The following EDNRB variants were observed in gnomAD, a reference collection of about 807,000 sequenced individuals.
EDNRB encodes endothelin receptor type B.
EDNRB carries 18 observed loss-of-function variants against 46.4 expected under a neutral mutation model. The ratio of observed to expected loss-of-function variants is 0.39; its 90% CI spans 0.27 to 0.57. The LOEUF (loss-of-function observed/expected upper bound fraction) is 0.57. Ranked by LOEUF, EDNRB falls within the 20% of genes least tolerant of loss-of-function variation. The pLI, the probability that EDNRB is intolerant of heterozygous loss-of-function variation, is 0.61. For missense variants in EDNRB, 434 were observed against 537.5 expected, an observed-to-expected ratio of 0.81 and a Z score of 1.90; for synonymous variants, 213 against 204.9, an observed-to-expected ratio of 1.04 and a Z score of -0.34.
chr13:77,966,972 C>T (rs868807620), intron 1 of EDNRB, among the ~76,000 whole-genome samples: 30 of 152,090 alleles, frequency 2.0e-4, no homozygotes, highest in African/African-American at 7.2e-4. Context: ...AACCCATTCA[C>T]TAAAAACCAT....
chr13:77,955,892 T>C (rs886985398), intron 1 of EDNRB, among the ~76,000 whole-genome samples: 1 of 151,490 alleles, frequency 6.6e-6, no homozygotes, highest in African/African-American at 2.4e-5. Context: ...TATCTATCTA[T>C]CTATTTTTAT....
At chr13:77,942,316 T>G (rs1440386277) in intron 1 of EDNRB, among the ~76,000 whole-genome samples, 1 of 152,244 alleles carries the variant, frequency 6.6e-6, no homozygotes, top group African/African-American at 2.4e-5. Context: ...TCTGGTGTTC[T>G]GTATTACCTC....
intron 1 of EDNRB, among the ~76,000 whole-genome samples, chr13:77,931,939 T>C (rs947393160): frequency 6.6e-6 from 1 of 151,946 alleles, no homozygotes; most frequent in Non-Finnish European, 1.5e-5. Context: ...TTAGTTTTTA[T>C]ACAACTGTTT....
intron 1 of EDNRB, among the ~76,000 whole-genome samples, chr13:77,969,412 A>G (rs926637999): frequency 6.6e-6 from 1 of 152,182 alleles, no homozygotes; most frequent in Non-Finnish European, 1.5e-5. Flanking sequence ...TGTTATAACG[A>G]CAGGAGTGTG....
At position 77,898,320 on chromosome 13, in the gene EDNRB, G is replaced by A; in HGVS notation, c.1209C>T (p.Cys403=). 1.2e-6 allele frequency: 2 copies of A among 1,611,966 alleles called. No individual in the cohort carries two copies. Among genetic ancestry groups the A allele is most frequent in the Non-Finnish European group, 1.7e-6 (2 of 1,178,702 alleles). Residue 403 remains cysteine, a synonymous_variant, in exon 7 of 7, where the codon TGC becomes TGT. Transcript: ENST00000646607. The part of the protein sequence containing the change: ...FKNCFKSCLC[C]WCQSFEEKQS... Reference sequence around the variant, plus strand: ...GTTTTTCTTCAAATGACTGGCACCAGCAGCATAAGCATGACTGTACAAAAC... The same window carrying A: ...GTTTTTCTTCAAATGACTGGCACCAACAGCATAAGCATGACTGTACAAAAC...
At chr13:77,910,685 T>A (rs1233435191) in intron 1 of EDNRB, among the ~76,000 whole-genome samples, 4 of 151,990 alleles carry the variant, frequency 2.6e-5, no homozygotes, top group Non-Finnish European at 5.9e-5. Context: ...GGGTCAGAAA[T>A]AATGTTAGCT....
At chr13:77,949,678 C>A (rs539799845) in intron 1 of EDNRB, among the ~76,000 whole-genome samples, 1 of 152,172 alleles carries the variant, frequency 6.6e-6, no homozygotes, top group East Asian at 1.9e-4. Context: ...GTCTTGAAGG[C>A]CAAATATGAA....
intron 1 of EDNRB, among the ~76,000 whole-genome samples, chr13:77,930,622 T>G (rs1880364741): frequency 6.6e-6 from 1 of 152,198 alleles, no homozygotes; most frequent in African/African-American, 2.4e-5. Flanking sequence ...ACATAAACCA[T>G]GCACATTAGT....
Position 77,896,414 on chromosome 13 carries a change from T to G in EDNRB, c.*1786A>C. 1 of 1,538,978 alleles carries G rather than the reference T, an allele frequency of 6.5e-7. No individual in the cohort carries two copies. Among genetic ancestry groups the G allele is most frequent in the Non-Finnish European group, 8.8e-7 (1 of 1,142,808 alleles). On this transcript the variant is annotated 3_prime_UTR_variant, in exon 7 of 7. Transcript: ENST00000646607. ...TTAAAGAACAAGTTTGTGGGTGATT[T>G]ATAAATAGAATCCATATGGTGTGTG... is the stretch of plus-strand genomic sequence containing the variant.
chr13:77,965,543 T>C (rs1461586001), intron 1 of EDNRB, among the ~76,000 whole-genome samples: 1 of 152,200 alleles, frequency 6.6e-6, no homozygotes, highest in Non-Finnish European at 1.5e-5. Context: ...TTCAAAACTC[T>C]GAGATTCTCT....
rs1472850365 is a variant in EDNRB at position 77,911,126 on chromosome 13, A to T, written c.483+6965T>A. ...TACATATTTTGAAAAGATCCAACTAAGGGAAATAACAAACCCCATTCACAA... is the reference window on the plus strand; with the variant it reads ...TACATATTTTGAAAAGATCCAACTATGGGAAATAACAAACCCCATTCACAA... On this transcript the variant is annotated intron_variant, in intron 1 of 6. Coordinates refer to ENST00000646607, the MANE Select transcript of EDNRB (RefSeq NM_001122659.3). Among the ~76,000 whole-genome samples the T allele has an allele frequency of 2.6e-5, 4 of 152,050 alleles. No individual in the cohort carries two copies. In the South Asian group the frequency reaches 8.3e-4, roughly 31 times the overall value.
chr13:77,941,633 G>A (rs1880749352), intron 1 of EDNRB, among the ~76,000 whole-genome samples: 1 of 152,252 alleles, frequency 6.6e-6, no homozygotes, highest in Non-Finnish European at 1.5e-5. Context: ...GGGGGCACAG[G>A]CCATTGGAAA....
intron 1 of EDNRB, among the ~76,000 whole-genome samples, chr13:77,915,656 A>G (rs1391282320): frequency 6.6e-6 from 1 of 152,336 alleles, no homozygotes; most frequent in East Asian, 1.9e-4. Flanking sequence ...GAAATAAACC[A>G]AGTGCCTAGT....
At chr13:77,899,835 T>C in intron 6 of EDNRB, 24 bp downstream of exon 6, 1 of 1,579,094 alleles carries the variant, frequency 6.3e-7, no homozygotes, top group East Asian at 2.2e-5. Flanking sequence ...ACAAAGAGCT[T>C]TTTATTTTGG....
intron 1 of EDNRB, among the ~76,000 whole-genome samples, chr13:77,925,221 A>G (rs990293591): frequency 6.6e-6 from 1 of 152,250 alleles, no homozygotes; most frequent in Non-Finnish European, 1.5e-5. Flanking sequence ...GTAGCATATG[A>G]CAGGCTAAAT....
intron 1 of EDNRB, among the ~76,000 whole-genome samples, chr13:77,965,944 A>G (rs1881566974): frequency 1.3e-5 from 2 of 152,226 alleles, no homozygotes; most frequent in Admixed American, 1.3e-4. Flanking sequence ...TGTTGTGATC[A>G]CAGCTCACTG....
chr13:77,963,760 G>A (rs1339096111), intron 1 of EDNRB, among the ~76,000 whole-genome samples: 2 of 151,880 alleles, frequency 1.3e-5, no homozygotes, highest in African/African-American at 2.4e-5. Context: ...AAAAGCCAAA[G>A]TTGACAAATG....
chr13:77,902,369 T>C (rs937577904), intron 3 of EDNRB, among the ~76,000 whole-genome samples: 1 of 151,910 alleles, frequency 6.6e-6, no homozygotes, highest in African/African-American at 2.4e-5. Flanking sequence ...TGTTCTCCAT[T>C]TTAAAGTTTA....
At chr13:77,967,997 C>T (rs909583384) in intron 1 of EDNRB, among the ~76,000 whole-genome samples, 2 of 152,136 alleles carry the variant, frequency 1.3e-5, no homozygotes, top group African/African-American at 4.8e-5. Flanking sequence ...ACTGAAAAGA[C>T]TGTGTGCCAT....
Sources: gnomAD v4.1 joint callset for allele counts (sites outside exome capture counted in the v4.1 genomes callset) on GRCh38, gnomAD v4.1.1 for gene constraint, MANE v1.5 for transcripts, NCBI Gene and HGNC (gene_info 2026-07-23, HGNC 2026-07-21) for gene names.